The following MBOAT4 variants were observed in gnomAD, a reference collection of about 807,000 sequenced individuals.
MBOAT4 encodes membrane-bound ghrelin O-acyltransferase MBOAT4.
Under a neutral mutation model 13.2 loss-of-function variants are expected in MBOAT4, and 11 were observed. That is an observed-to-expected ratio of 0.84 (90% confidence interval 0.53 to 1.38). The LOEUF (loss-of-function observed/expected upper bound fraction) is 1.38. MBOAT4 is among the 40% of genes most tolerant of loss of function. The pLI, the probability that MBOAT4 is intolerant of heterozygous loss-of-function variation, is 0.00. For missense variants in MBOAT4, 481 were observed against 527.2 expected (o/e 0.91, Z 0.86); for synonymous variants, 202 against 210.3 (o/e 0.96, Z 0.34).
rs1295413954 is a variant in MBOAT4, at chr8:30,132,798, G to T, written c.453C>A (p.Ser151Arg). ...KVKAASGGFR[S>R]RSSLSEHVCK... ...ACACATGCTCAGACAAAGAGCTCCT[G>T]CTCCTGAAGCCTCCAGATGCTGCCT... The change falls in exon 3 of 3, where the codon AGC becomes AGA. Residue 151 changes from serine (S) to arginine (R), a missense_variant. Transcript: ENST00000320542. 4.5e-6 allele frequency: 7 copies of T among 1,551,634 alleles called. No homozygotes were observed. Among genetic ancestry groups the T allele is most frequent in the Non-Finnish European group, 6.1e-6 (7 of 1,147,022 alleles).
chr8:30,135,444 C>T (rs1267613358), intron 2 of MBOAT4, among the ~76,000 whole-genome samples: 1 of 152,122 alleles, frequency 6.6e-6, no homozygotes, highest in Non-Finnish European at 1.5e-5. Flanking sequence ...ATTTTAAATA[C>T]GAACCAGGCC....
Position 30,132,918 on chromosome 8 carries a change from T to A in MBOAT4, c.345-12A>T. 1 of 1,495,492 alleles carries A rather than the reference T, an allele frequency of 6.7e-7. No homozygotes were observed. Among genetic ancestry groups the A allele is most frequent in the African/African-American group, 1.4e-5 (1 of 70,464 alleles). The allele number at this position is 1,495,492 out of a possible 1,614,324, so 92.6% of individuals were successfully genotyped here. A position where few individuals can be genotyped will look rare whatever the true frequency, so the allele number is the denominator to read the frequency against. ...GAGTGATGCAGAACCTGCAAGATAA[T>A]TTTTTAAAGAACATAAAAACACTCT... On this transcript the variant is annotated splice_polypyrimidine_tract_variant and intron_variant, in intron 2 of 2. Coordinates refer to ENST00000320542, the MANE Select transcript of MBOAT4 (RefSeq NM_001100916.2).
At chr8:30,138,456 C>T in intron 2 of MBOAT4, 76 bp downstream of exon 2, 1 of 1,208,030 alleles carries the variant, frequency 8.3e-7, no homozygotes, top group African/African-American at 1.5e-5. Flanking sequence ...ACCCAACACC[C>T]AGGTTCTCTC....
In MBOAT4 at chr8:30,144,649, T is replaced by C; in HGVS notation, c.-48A>G. The C allele has an allele frequency of 8.0e-7, 1 of 1,250,148 alleles. No individual in the cohort carries two copies. The highest frequency in any genetic ancestry group is 1.3e-5 in the South Asian group (1 of 74,510). The allele number at this position is 1,250,148 out of a possible 1,614,324, so 77.4% of individuals were successfully genotyped here. A position where few individuals can be genotyped will look rare whatever the true frequency, so the allele number is the denominator to read the frequency against. On this transcript the variant is annotated 5_prime_UTR_variant, in exon 1 of 3. Coordinates refer to ENST00000320542, the MANE Select transcript of MBOAT4 (RefSeq NM_001100916.2). Reference sequence around the variant, plus strand: ...TGTCTTTTCCAGTGTCCTTAACTGATGCCTTCCTCCAAGAGTAATCTCAAC... The same window carrying C: ...TGTCTTTTCCAGTGTCCTTAACTGACGCCTTCCTCCAAGAGTAATCTCAAC...
At position 30,132,586 on chromosome 8, in the gene MBOAT4, A is replaced by G. The variant is rs1416221163; in HGVS notation, c.665T>C (p.Val222Ala). The G allele has an allele frequency of 1.9e-6, 3 of 1,551,630 alleles. No individual in the cohort carries two copies. In the East Asian group the frequency reaches 7.3e-5, roughly 38 times the overall value. Residue 222 changes from valine to alanine, a missense_variant, in exon 3 of 3, where the codon GTG (valine) becomes GCG (alanine). Coordinates refer to ENST00000320542, the MANE Select transcript of MBOAT4 (RefSeq NM_001100916.2). ...CGCTCCTGCATCCACCACCCTGCTC[A>G]CTGCCACGTTTAGGCATTCTAGTCC... ...ILGLECLNVAVSRVVDAGAGL... is the reference protein window; with the variant it reads ...ILGLECLNVAASRVVDAGAGL...
chr8:30,139,205 G>A (rs766219572), intron 1 of MBOAT4, among the ~76,000 whole-genome samples: 6 of 151,358 alleles, frequency 4.0e-5, no homozygotes, highest in South Asian at 2.1e-4. Context: ...CTCCTCCCTC[G>A]GCCTCCCAAA....
chr8:30,138,517 G>A lies in MBOAT4; in HGVS notation c.344+15C>T, dbSNP rs761458377. On this transcript the variant is annotated intron_variant, in intron 2 of 2. Coordinates refer to ENST00000320542, the MANE Select transcript of MBOAT4 (RefSeq NM_001100916.2). ...TGTAGGTGGGCTGAGCATGACCAAC[G>A]AACAGGCTGCTTACCTCACAGAAGG... The A allele has an allele frequency of 2.9e-5, 44 of 1,536,886 alleles. No individual in the cohort carries two copies. Among genetic ancestry groups the A allele is most frequent in the Non-Finnish European group, 3.5e-5 (40 of 1,135,210 alleles).
chr8:30,140,047 C>CT (rs375406917), intron 1 of MBOAT4, among the ~76,000 whole-genome samples: 2,504 of 151,708 alleles, frequency 0.017, 81 homozygotes, highest in African/African-American at 0.057. Flanking sequence ...ATTGCAGAAT[C>CT]TTTTTTTTTA....
chr8:30,134,768 G>C (rs1803103194), intron 2 of MBOAT4, among the ~76,000 whole-genome samples: 1 of 152,158 alleles, frequency 6.6e-6, no homozygotes, highest in Non-Finnish European at 1.5e-5. Context: ...GGCTGGTCTT[G>C]AACTCCTCAT....
chr8:30,133,109 G>T (rs1803063819), intron 2 of MBOAT4, among the ~76,000 whole-genome samples: 1 of 152,034 alleles, frequency 6.6e-6, no homozygotes, highest in African/African-American at 2.4e-5. Flanking sequence ...TAGACATGGG[G>T]TCTCACTATG....
chr8:30,131,751 AT>A lies in MBOAT4; in HGVS notation c.*191del. ...GAAACCACATCTTTTTCCTTTTTGT[AT>A]CCTCAGTACCAGCAGAATAGCTTGC... On this transcript the variant is annotated 3_prime_UTR_variant, in exon 3 of 3. Transcript: ENST00000320542. The A allele has an allele frequency of 1.7e-6, 1 of 584,284 alleles. No individual in the cohort carries two copies. The highest frequency in any genetic ancestry group is 3.5e-5 in the Admixed American group (1 of 28,350). 36.2% of individuals were successfully genotyped at this position (584,284 alleles called of 1,614,324 possible). A position where few individuals can be genotyped will look rare whatever the true frequency, so the allele number is the denominator to read the frequency against.
chr8:30,143,664 A>G (rs1164479026), intron 1 of MBOAT4, among the ~76,000 whole-genome samples: 1 of 152,204 alleles, frequency 6.6e-6, no homozygotes, highest in African/African-American at 2.4e-5. Flanking sequence ...TCAAATTATC[A>G]TATAGCTAAT....
chr8:30,135,291 A>G (rs1803117321), intron 2 of MBOAT4, among the ~76,000 whole-genome samples: 1 of 152,210 alleles, frequency 6.6e-6, no homozygotes, highest in South Asian at 2.1e-4. Context: ...GATGCAAATA[A>G]GAGAATGATG....
At chr8:30,144,227 TG>T (rs1412890629) in intron 1 of MBOAT4, among the ~76,000 whole-genome samples, 7 of 152,040 alleles carry the variant, frequency 4.6e-5, no homozygotes. Context: ...CTCCACCTCC[TG>T]GGCTTAAGCA....
chr8:30,138,437 A>T, intron 2 of MBOAT4, 95 bp downstream of exon 2: 1 of 910,624 alleles, frequency 1.1e-6, no homozygotes, highest in Non-Finnish European at 1.7e-6. Flanking sequence ...TGGAAAAATT[A>T]GGACTCCAAC....
Position 30,132,483 on chromosome 8 carries a change from G to A in MBOAT4, c.768C>T (p.Tyr256=). The part of the protein sequence containing the change: ...TTAGLFKLTY[Y]SHWILDDSLL... ...GGGAGTCGTCCAGGATCCAGTGGGA[G>A]TAGTAGGTGAGCTTGAAAAGCCCAG... Residue 256 remains tyrosine (Y), a synonymous_variant, in exon 3 of 3, where the codon TAC becomes TAT. Coordinates refer to ENST00000320542, the MANE Select transcript of MBOAT4 (RefSeq NM_001100916.2). The A allele has an allele frequency of 6.4e-7, 1 of 1,551,754 alleles. No homozygotes were observed. The highest frequency in any genetic ancestry group is 2.4e-5 in the East Asian group (1 of 40,926).
chr8:30,144,637 G>T lies in MBOAT4; in HGVS notation c.-36C>A. The T allele has an allele frequency of 7.5e-7, 1 of 1,339,556 alleles. No homozygotes were observed. Among genetic ancestry groups the T allele is most frequent in the Non-Finnish European group, 1.0e-6 (1 of 968,240 alleles). The allele number at this position is 1,339,556 out of a possible 1,614,324, so 83.0% of individuals were successfully genotyped here. A position where few individuals can be genotyped will look rare whatever the true frequency, so the allele number is the denominator to read the frequency against. On this transcript the variant is annotated 5_prime_UTR_variant, in exon 1 of 3. Transcript: ENST00000320542. ...AACAAAAGAGCCTGTCTTTTCCAGT[G>T]TCCTTAACTGATGCCTTCCTCCAAG...
At chr8:30,133,026 T>A (rs1803061039) in intron 2 of MBOAT4, 120 bp from the exon 3 acceptor site, 5 of 884,574 alleles carry the variant, frequency 5.7e-6, no homozygotes, top group Non-Finnish European at 8.2e-6. Flanking sequence ...AAGATTAATC[T>A]CATGGCCTGC....
At position 30,132,307 on chromosome 8, in the gene MBOAT4, C is replaced by T. The variant is rs140897431; in HGVS notation, c.944G>A (p.Arg315Gln). 1.4e-5 allele frequency: 22 copies of T among 1,551,628 alleles called. No homozygotes were observed. Among genetic ancestry groups the T allele is most frequent in the Non-Finnish European group, 1.7e-5 (19 of 1,147,004 alleles). Residue 315 changes from arginine to glutamine, a missense_variant, in exon 3 of 3, where the codon CGA (arginine) becomes CAA (glutamine). Transcript: ENST00000320542. ...CCTGCTGTGCTGGAATACAAGCCGT[C>T]GGAGCCATCGAGCTGTGCTTTGGTT... The part of the protein sequence containing the change: ...KWNQSTARWL[R>Q]RLVFQHSRAW...
Sources: allele counts gnomAD v4.1 joint callset (sites outside exome capture counted in the v4.1 genomes callset), GRCh38; gene constraint gnomAD v4.1.1; transcripts MANE v1.5; gene names NCBI Gene and HGNC (gene_info 2026-07-23, HGNC 2026-07-21).